MACROD2: variants seen among roughly 807,000 people sequenced by gnomAD.
MACROD2 encodes mono-ADP ribosylhydrolase 2.
A neutral mutation model predicts 70.4 loss-of-function variants in MACROD2; 36 were observed. That is an observed-to-expected ratio of 0.51 (90% CI 0.39 to 0.68). The LOEUF is 0.68. Among genes scored for constraint, MACROD2 ranks in the 30% least tolerant of loss-of-function variants. The pLI is 0.00. For synonymous variants in MACROD2, 172 were observed against 178.8 expected, an observed-to-expected ratio of 0.96 and a Z score of 0.30; for missense variants, 496 against 538.4, an observed-to-expected ratio of 0.92 and a Z score of 0.78.
At chr20:15,579,319 C>T (rs1316761987) in intron 8 of MACROD2, among the ~76,000 whole-genome samples, 1 of 152,206 alleles carries the variant, frequency 6.6e-6, no homozygotes, top group Non-Finnish European at 1.5e-5. Flanking sequence ...ATTCTTTTCT[C>T]ATAATACCTC....
chr20:15,768,074 G>A (rs904090865), intron 8 of MACROD2, among the ~76,000 whole-genome samples: 2 of 151,908 alleles, frequency 1.3e-5, no homozygotes, highest in Non-Finnish European at 2.9e-5. Context: ...AAAGATATAT[G>A]TATATAGCAT....
chr20:15,751,070 G>A (rs979395871), intron 8 of MACROD2, among the ~76,000 whole-genome samples: 3 of 151,886 alleles, frequency 2.0e-5, no homozygotes, highest in Admixed American at 6.6e-5. Context: ...ATAAGATCTG[G>A]GATTCTATTG....
chr20:15,875,925 AG>A (rs957879729), intron 9 of MACROD2, among the ~76,000 whole-genome samples: 1 of 151,746 alleles, frequency 6.6e-6, no homozygotes, highest in Non-Finnish European at 1.5e-5. Flanking sequence ...AGGCAAATGC[AG>A]GGGAAAAAAA....
chr20:14,949,717 G>T (rs190279662), intron 5 of MACROD2, among the ~76,000 whole-genome samples: 2 of 152,146 alleles, frequency 1.3e-5, no homozygotes, highest in Non-Finnish European at 2.9e-5. Context: ...CCTGCTATGT[G>T]ACAAGCATTG....
At chr20:14,994,144 G>A (rs891331854) in intron 5 of MACROD2, among the ~76,000 whole-genome samples, 1 of 151,896 alleles carries the variant, frequency 6.6e-6, no homozygotes, top group Non-Finnish European at 1.5e-5. Flanking sequence ...ACACATACAT[G>A]TACAGGATAG....
At chr20:15,622,465 A>C (rs1375861633) in intron 8 of MACROD2, among the ~76,000 whole-genome samples, 2 of 152,160 alleles carry the variant, frequency 1.3e-5, no homozygotes, top group Non-Finnish European at 2.9e-5. Flanking sequence ...ACTTGAACAC[A>C]AGCACCATGA....
chr20:16,020,065 A>T (rs1027356511), intron 15 of MACROD2, among the ~76,000 whole-genome samples: 6 of 152,110 alleles, frequency 3.9e-5, no homozygotes, highest in African/African-American at 1.4e-4. Context: ...CACCTCAGCT[A>T]ATCATGCAAA....
At chr20:14,709,301 A>T (rs2071308874) in intron 5 of MACROD2, among the ~76,000 whole-genome samples, 1 of 152,116 alleles carries the variant, frequency 6.6e-6, no homozygotes, top group Non-Finnish European at 1.5e-5. Flanking sequence ...AAAATTTTGA[A>T]ATTTTGGTTG....
chr20:15,090,356 T>A (rs1404663420), intron 5 of MACROD2, among the ~76,000 whole-genome samples: 2 of 152,114 alleles, frequency 1.3e-5, no homozygotes, highest in Non-Finnish European at 2.9e-5. Flanking sequence ...TTGATATAAT[T>A]TATCTTTCCC....
chr20:14,610,150 A>G (rs936721728), intron 4 of MACROD2, among the ~76,000 whole-genome samples: 2 of 152,150 alleles, frequency 1.3e-5, no homozygotes, highest in African/African-American at 4.8e-5. Flanking sequence ...AGCAAAACTA[A>G]CTTGACAAAA....
chr20:14,032,235 A>T (rs573028214), intron 2 of MACROD2, among the ~76,000 whole-genome samples: 1 of 152,146 alleles, frequency 6.6e-6, no homozygotes, highest in South Asian at 2.1e-4. Context: ...ATGAACTATT[A>T]GTTTTTTTCC....
chr20:14,667,955 C>G (rs1002266577), intron 4 of MACROD2, among the ~76,000 whole-genome samples: 3 of 152,066 alleles, frequency 2.0e-5, no homozygotes, highest in Non-Finnish European at 4.4e-5. Context: ...CAAGACCAGC[C>G]TGGGCAACAT....
Position 14,327,660 on chromosome 20 carries a change from T to C in MACROD2, c.272-165819T>C, listed in dbSNP as rs940379069. 4.5e-6 allele frequency: 4 copies of C among 881,442 alleles called. No individual in the cohort carries two copies. The African/African-American group carries it at 6.8e-5, about 15-fold the overall frequency. 54.6% of individuals were successfully genotyped at this position (881,442 alleles called of 1,614,324 possible). A position where few individuals can be genotyped will look rare whatever the true frequency, so the allele number is the denominator to read the frequency against. ...GAAACTAAAATATCCATAATCACTT[T>C]TAATATTTTCATTTGTTTTGGGAGG... On this transcript the variant is annotated intron_variant, in intron 3 of 17. Coordinates refer to ENST00000684519, the MANE Select transcript of MACROD2 (RefSeq NM_001351661.2).
At chr20:15,293,904 G>C (rs1227039894) in intron 6 of MACROD2, among the ~76,000 whole-genome samples, 1 of 152,064 alleles carries the variant, frequency 6.6e-6, no homozygotes, top group Non-Finnish European at 1.5e-5. Context: ...GATCACCTGA[G>C]GTCAGGAGTT....
intron 3 of MACROD2, among the ~76,000 whole-genome samples, chr20:14,474,852 G>A (rs892635995): frequency 2.0e-5 from 3 of 152,176 alleles, no homozygotes; most frequent in South Asian, 2.1e-4. Context: ...TTTAGGCTAT[G>A]TATTTACTTA....
rs569333643 is a variant in MACROD2, at chr20:14,484,052, T to C, written c.272-9427T>C. 2.9e-3 allele frequency among the ~76,000 whole-genome samples: 439 copies of C among 152,310 alleles called. 2 individuals are homozygous for C. The highest frequency in any genetic ancestry group is 9.6e-3 in the African/African-American group (401 of 41,576). On this transcript the variant is annotated intron_variant, in intron 3 of 17. Transcript: ENST00000684519. ...TTACATTTACATCAGAAGCACCCCA[T>C]TGAACTGAAATCTCATCTAACATAC...
At position 15,375,445 on chromosome 20, in the gene MACROD2, G is replaced by A. The variant is rs564415889; in HGVS notation, c.541-55960G>A. On this transcript the variant is annotated intron_variant, in intron 6 of 17. Transcript: ENST00000684519. Reference sequence around the variant, plus strand: ...AATTGTGCGGTAATTTGGTATGGCAGCTTCTAATTATGAAGCACGAATAAG... The same window carrying A: ...AATTGTGCGGTAATTTGGTATGGCAACTTCTAATTATGAAGCACGAATAAG... Among the ~76,000 whole-genome samples, 18 of 152,238 alleles carry A rather than the reference G, an allele frequency of 1.2e-4. No homozygotes were observed. In the South Asian group the frequency reaches 3.3e-3, roughly 28 times the overall value.
At chr20:15,866,341 G>A (rs1186261092) in intron 9 of MACROD2, among the ~76,000 whole-genome samples, 2 of 151,904 alleles carry the variant, frequency 1.3e-5, no homozygotes, top group Non-Finnish European at 2.9e-5. Flanking sequence ...GGCTGCAGTT[G>A]GCTATGATTG....
At chr20:15,320,880 G>A (rs1215529556) in intron 6 of MACROD2, among the ~76,000 whole-genome samples, 2 of 152,168 alleles carry the variant, frequency 1.3e-5, no homozygotes, top group East Asian at 1.9e-4. Context: ...GTAACTCAGT[G>A]TCATTGCCCT....
Sources: allele counts gnomAD v4.1 joint callset (sites outside exome capture counted in the v4.1 genomes callset), GRCh38; gene constraint gnomAD v4.1.1; transcripts MANE v1.5; gene names NCBI Gene and HGNC (gene_info 2026-07-23, HGNC 2026-07-21).